Variants in HDAC9 observed in about 807,000 individuals in gnomAD.
HDAC9 encodes histone deacetylase 9, also known as MEF-2 interacting transcription repressor (MITR) protein.
In HDAC9, 41 loss-of-function variants were observed where a neutral mutation model predicts 139.4. That is an observed-to-expected ratio of 0.29 (90% CI 0.23 to 0.38). The LOEUF (loss-of-function observed/expected upper bound fraction) is 0.38, where lower values mean the gene tolerates loss of function less well. HDAC9 is among the 10% of genes least tolerant of loss of function. The probability of loss-of-function intolerance (pLI) is 1.00; values close to 1 mark genes in which losing one functional copy is unlikely to be tolerated. For missense variants in HDAC9, 1,147 were observed against 1,297.0 expected (o/e 0.88, Z 1.78); for synonymous variants, 517 against 476.2 (o/e 1.09, Z -1.12).
chr7:18,562,067 C>T (rs1820786189), intron 2 of HDAC9, among the ~76,000 whole-genome samples: 1 of 152,136 alleles, frequency 6.6e-6, no homozygotes, highest in South Asian at 2.1e-4. Context: ...TTTTGATTTG[C>T]ATTGCCCTGA....
intron 13 of HDAC9, among the ~76,000 whole-genome samples, chr7:18,731,368 G>A (rs1338432909): frequency 6.6e-6 from 1 of 151,976 alleles, no homozygotes; most frequent in Non-Finnish European, 1.5e-5. Context: ...TATCCTCTAA[G>A]AGCTATACTT....
intron 12 of HDAC9, among the ~76,000 whole-genome samples, chr7:18,710,912 A>AT (rs1386840454): frequency 6.6e-6 from 1 of 152,234 alleles, no homozygotes; most frequent in African/African-American, 2.4e-5. Flanking sequence ...ATAAATATAG[A>AT]TTTTAAACTA....
Position 18,269,218 on chromosome 7 carries a change from C to T in HDAC9, c.25+106869C>T, listed in dbSNP as rs567704521. On this transcript the variant is annotated intron_variant, in intron 2 of 12. Transcript: ENST00000417496. ...ACATACACATATATGGAATATGTAA[C>T]GTGGAATATATATAAATAAAACTCT... Among the ~76,000 whole-genome samples the T allele has an allele frequency of 4.2e-4, 64 of 151,954 alleles. 1 individual carries two copies. The highest frequency in any genetic ancestry group is 1.2e-3 in the South Asian group (6 of 4,808).
intron 21 of HDAC9, among the ~76,000 whole-genome samples, chr7:18,850,235 A>G (rs1234101776): frequency 6.6e-6 from 1 of 152,234 alleles, no homozygotes; most frequent in East Asian, 1.9e-4. Context: ...CTTTCCTTGA[A>G]TAGCACAAAA....
At chr7:18,829,291 A>G in intron 18 of HDAC9, 75 bp downstream of exon 18, 1 of 1,283,222 alleles carries the variant, frequency 7.8e-7, no homozygotes, top group Non-Finnish European at 1.1e-6. Flanking sequence ...CATGTTTCTG[A>G]AGCCTCTAAT....
chr7:18,853,007 G>T (rs946921004), intron 21 of HDAC9, among the ~76,000 whole-genome samples: 7 of 152,016 alleles, frequency 4.6e-5, no homozygotes, highest in Admixed American at 3.9e-4. Context: ...CATGGGGAGC[G>T]CACACTCTTC....
chr7:18,706,244 T>C (rs1783908515), intron 12 of HDAC9, among the ~76,000 whole-genome samples: 1 of 144,180 alleles, frequency 6.9e-6, no homozygotes, highest in African/African-American at 2.6e-5. Flanking sequence ...TTCATTTGCG[T>C]AATTAAGTTT....
At chr7:18,315,480 C>T (rs934470139) in intron 1 of HDAC9, among the ~76,000 whole-genome samples, 3 of 152,196 alleles carry the variant, frequency 2.0e-5, no homozygotes, top group Non-Finnish European at 2.9e-5. Context: ...TTTATACTTT[C>T]TCTCATTTCA....
At chr7:18,739,093 C>T (rs1276648853) in intron 13 of HDAC9, among the ~76,000 whole-genome samples, 2 of 152,134 alleles carry the variant, frequency 1.3e-5, no homozygotes, top group African/African-American at 4.8e-5. Context: ...ATTCTTGTGC[C>T]ATGGTTTTCA....
At chr7:18,633,766 C>T (rs1203798679) in intron 7 of HDAC9, among the ~76,000 whole-genome samples, 3 of 151,914 alleles carry the variant, frequency 2.0e-5, no homozygotes, top group East Asian at 1.9e-4. Context: ...AAATAATTTG[C>T]CAAAGCTTGA....
chr7:18,763,218 C>T (rs1329147264), intron 15 of HDAC9, among the ~76,000 whole-genome samples: 2 of 152,084 alleles, frequency 1.3e-5, no homozygotes, highest in African/African-American at 4.8e-5. Flanking sequence ...AAGTAGATAA[C>T]ATACAGTAGG....
chr7:18,842,193 A>G (rs1218193844), intron 21 of HDAC9, among the ~76,000 whole-genome samples: 1 of 152,102 alleles, frequency 6.6e-6, no homozygotes, highest in Non-Finnish European at 1.5e-5. Context: ...ACAAGTAAAT[A>G]TATTAAGCTC....
chr7:18,526,000 C>T (rs113875972), intron 2 of HDAC9, among the ~76,000 whole-genome samples: 4 of 152,238 alleles, frequency 2.6e-5, no homozygotes, highest in African/African-American at 7.2e-5. Context: ...ATCTCTTTGC[C>T]TGCTACTCAA....
chr7:18,926,947 A>T (rs1395893074), intron 22 of HDAC9, among the ~76,000 whole-genome samples: 2 of 152,168 alleles, frequency 1.3e-5, no homozygotes, highest in East Asian at 3.9e-4. Context: ...GCCAATTGAA[A>T]GATTTAATGG....
At chr7:18,201,724 C>T (rs1394114663) in intron 2 of HDAC9, among the ~76,000 whole-genome samples, 2 of 152,226 alleles carry the variant, frequency 1.3e-5, no homozygotes, top group African/African-American at 4.8e-5. Flanking sequence ...TCCTTCTTTT[C>T]TCTTGCTTTA....
chr7:18,915,186 C>A (rs1361758203), intron 22 of HDAC9, among the ~76,000 whole-genome samples: 1 of 151,978 alleles, frequency 6.6e-6, no homozygotes, highest in African/African-American at 2.4e-5. Flanking sequence ...TATTAAGGAT[C>A]CTAAAATCTT....
At chr7:18,385,766 T>G (rs1785866639) in intron 1 of HDAC9, among the ~76,000 whole-genome samples, 1 of 152,172 alleles carries the variant, frequency 6.6e-6, no homozygotes, top group Admixed American at 6.5e-5. Context: ...ATCTTTTTAT[T>G]TTTAAATACA....
At chr7:18,909,524 G>A (rs1802559359) in intron 22 of HDAC9, among the ~76,000 whole-genome samples, 1 of 152,028 alleles carries the variant, frequency 6.6e-6, no homozygotes, top group African/African-American at 2.4e-5. Flanking sequence ...GTAGTTGTGG[G>A]TGTTCCATTT....
At chr7:18,805,903 A>T (rs1176004946) in intron 17 of HDAC9, among the ~76,000 whole-genome samples, 2 of 152,198 alleles carry the variant, frequency 1.3e-5, no homozygotes, top group Non-Finnish European at 2.9e-5. Flanking sequence ...AAGAAGGAAA[A>T]AATATAAACT....
Sources: gnomAD v4.1 joint callset for allele counts (sites outside exome capture counted in the v4.1 genomes callset) on GRCh38, gnomAD v4.1.1 for gene constraint, MANE v1.5 for transcripts, NCBI Gene and HGNC (gene_info 2026-07-23, HGNC 2026-07-21) for gene names.